The following IFT70A variants were observed in gnomAD, a reference collection of about 807,000 sequenced individuals.
IFT70A encodes the protein intraflagellar transport 70A.
chr2:177,614,682 TA>T, the IFT70A span: 1 of 152,164 alleles, frequency 6.6e-6, no homozygotes, highest in African/African-American at 2.4e-5. Flanking sequence ...AACTTCCAGC[TA>T]TCAGAGAAAA....
chr2:177,613,279 A>C, the IFT70A span: 1 of 152,234 alleles, frequency 6.6e-6, no homozygotes, highest in African/African-American at 2.4e-5. Flanking sequence ...AAACATACAA[A>C]ATAATTGCAC....
chr2:177,617,863 C>G, the IFT70A span: 11 of 1,614,226 alleles, frequency 6.8e-6, no homozygotes, highest in Non-Finnish European at 9.3e-6. Flanking sequence ...TTCCTCTGCC[C>G]TGGGTGGCAT....
the IFT70A span, chr2:177,617,669 C>A: frequency 1.2e-6 from 2 of 1,614,084 alleles, no homozygotes; most frequent in South Asian, 1.1e-5. Context: ...TGGGCATTTT[C>A]TGCCAGGACA....
At chr2:177,618,537 G>C in the IFT70A span, 1 of 1,592,866 alleles carries the variant, frequency 6.3e-7, no homozygotes, top group Non-Finnish European at 8.6e-7. Flanking sequence ...GCAGGCGGTA[G>C]TAGCAGTAGC....
At chr2:177,613,925 T>C in the IFT70A span, 1 of 152,192 alleles carries the variant, frequency 6.6e-6, no homozygotes. Flanking sequence ...AATCAAGTTA[T>C]TGGCAGGTCT....
chr2:177,618,197 G>T, the IFT70A span: 1 of 1,614,118 alleles, frequency 6.2e-7, no homozygotes, highest in Non-Finnish European at 8.5e-7. Flanking sequence ...GCTTCATACT[G>T]TCCCTCCTTG....
chr2:177,616,949 A>G, the IFT70A span: 2 of 1,606,558 alleles, frequency 1.2e-6, no homozygotes, highest in East Asian at 4.5e-5. Context: ...CTTTTGGCAT[A>G]ATACCAGGTA....
the IFT70A span, chr2:177,615,303 G>A: frequency 1.3e-5 from 2 of 152,250 alleles, no homozygotes; most frequent in Non-Finnish European, 2.9e-5. Context: ...TGAATGGAAC[G>A]GTGGTTCATC....
At chr2:177,618,691 A>C in the IFT70A span, 1 of 1,579,626 alleles carries the variant, frequency 6.3e-7, no homozygotes, top group Non-Finnish European at 8.6e-7. Context: ...CGCGCCGCTC[A>C]GACCAGCCAT....
the IFT70A span, chr2:177,617,887 T>C: frequency 6.2e-7 from 1 of 1,614,234 alleles, no homozygotes; most frequent in Non-Finnish European, 8.5e-7. Context: ...GGTGAGGGTT[T>C]CTTGAGCTAC....
At chr2:177,617,673 C>G in the IFT70A span, 5 of 1,614,154 alleles carry the variant, frequency 3.1e-6, no homozygotes, top group Middle Eastern at 3.3e-4. Context: ...CATTTTCTGC[C>G]AGGACATCTG....
the IFT70A span, chr2:177,618,195 C>T: frequency 9.3e-6 from 15 of 1,614,272 alleles, no homozygotes; most frequent in Non-Finnish European, 1.3e-5. Flanking sequence ...CAGCTTCATA[C>T]TGTCCCTCCT....
chr2:177,616,476 G>A, the IFT70A span: 2 of 370,578 alleles, frequency 5.4e-6, no homozygotes, highest in Non-Finnish European at 9.5e-6. Context: ...TTGAGGGCAA[G>A]ACCAGATGAT....
the IFT70A span, chr2:177,618,284 G>A: frequency 1.2e-6 from 2 of 1,614,190 alleles, no homozygotes; most frequent in Non-Finnish European, 1.7e-6. Flanking sequence ...TCCCCACTCA[G>A]CAGCTGCTCC....
At chr2:177,618,701 T>A in the IFT70A span, 1 of 1,568,598 alleles carries the variant, frequency 6.4e-7, no homozygotes, top group East Asian at 2.3e-5. Flanking sequence ...AGACCAGCCA[T>A]AACCACCACG....
the IFT70A span, chr2:177,617,213 T>C: frequency 1.2e-6 from 2 of 1,603,404 alleles, no homozygotes; most frequent in South Asian, 1.1e-5. Flanking sequence ...ACAATAGCAC[T>C]GACATTCAGG....
chr2:177,617,308 G>C, the IFT70A span: 1 of 1,584,460 alleles, frequency 6.3e-7, no homozygotes, highest in South Asian at 1.2e-5. Context: ...CAGAACATGA[G>C]CCACATTCAA....
At chr2:177,618,003 G>A in the IFT70A span, 2 of 1,614,258 alleles carry the variant, frequency 1.2e-6, no homozygotes, top group Non-Finnish European at 1.7e-6. Context: ...GAACATCAAA[G>A]CCCTCGGTGG....
At chr2:177,616,633 G>T in the IFT70A span, 2 of 1,321,172 alleles carry the variant, frequency 1.5e-6, no homozygotes, top group Non-Finnish European at 2.0e-6. Context: ...AAGATGCCAA[G>T]GCTAAATACA....
Sources: allele counts gnomAD v4.1 joint callset, GRCh38; gene constraint gnomAD v4.1.1; transcripts MANE v1.5; gene names NCBI Gene and HGNC (gene_info 2026-07-23, HGNC 2026-07-21).